GPR158: variants seen among roughly 807,000 people sequenced by gnomAD.
GPR158 encodes the protein G protein-coupled receptor 158.
GPR158 carries 30 observed loss-of-function variants against 78.2 expected under a neutral mutation model. The ratio of observed to expected loss-of-function variants is 0.38; its 90% CI spans 0.29 to 0.52. GPR158 has a LOEUF of 0.52. Ranked by LOEUF, GPR158 falls within the 20% of genes least tolerant of loss-of-function variation. The pLI is 0.83. For synonymous variants in GPR158, 581 were observed against 591.1 expected (o/e 0.98, Z 0.25); for missense variants, 1,463 against 1,523.5 (o/e 0.96, Z 0.66).
rs200014294 is a variant in GPR158, at chr10:25,362,760, A to G, written c.1009-33151A>G. ...AAATGCTCAGTGTTAGTGTATAGAA[A>G]TGTAACTGATTTCTGTGTGTTGATT... On this transcript the variant is annotated intron_variant, in intron 2 of 10. Transcript: ENST00000376351. Among the ~76,000 whole-genome samples the G allele has an allele frequency of 1.4e-4, 21 of 152,078 alleles. No homozygotes were observed. The East Asian group carries it at 4.1e-3, about 30-fold the overall frequency.
intron 7 of GPR158, among the ~76,000 whole-genome samples, chr10:25,582,113 G>C (rs1445068630): frequency 6.6e-6 from 1 of 152,178 alleles, no homozygotes; most frequent in Admixed American, 6.5e-5. Context: ...CCATGGTGGG[G>C]TGGGGGGTCT....
At chr10:25,366,135 T>C (rs923811081) in intron 2 of GPR158, among the ~76,000 whole-genome samples, 1 of 112,310 alleles carries the variant, frequency 8.9e-6, no homozygotes, top group Non-Finnish European at 1.8e-5. Flanking sequence ...AGACAAACTT[T>C]TGTTTTTGTT....
At chr10:25,219,315 A>G (rs958205631) in intron 1 of GPR158, among the ~76,000 whole-genome samples, 1 of 152,202 alleles carries the variant, frequency 6.6e-6, no homozygotes, top group African/African-American at 2.4e-5. Context: ...GCATAGTGTT[A>G]TCTTACAGTG....
Position 25,405,078 on chromosome 10 carries a change from A to G in GPR158, c.1112-7172A>G, listed in dbSNP as rs868858273. On this transcript the variant is annotated intron_variant, in intron 3 of 10. Transcript: ENST00000376351. The stretch of plus-strand genomic sequence containing the variant: ...TGAATCAAAATTGGAGAACATTGCA[A>G]TCGCTATGAAAGAACCTTAATTTAT... Among the ~76,000 whole-genome samples the G allele has an allele frequency of 3.7e-4, 56 of 152,264 alleles. 1 individual carries two copies. Among genetic ancestry groups the G allele is most frequent in the Middle Eastern group, 3.4e-3 (1 of 294 alleles).
In GPR158 at chr10:25,422,927, C is replaced by G. The variant is rs1236685299; in HGVS notation, c.1335+10454C>G. Among the ~76,000 whole-genome samples the G allele has an allele frequency of 5.4e-5, 8 of 148,948 alleles. No homozygotes were observed. The Admixed American group carries it at 5.4e-4, about 10-fold the overall frequency. ...GCCTTTGCGTCCTCATAGCTCAGCT[C>G]CCAGTTATGAGTGAGAACATACAAT... On this transcript the variant is annotated intron_variant, in intron 4 of 10. Transcript: ENST00000376351.
At chr10:25,404,779 G>A (rs955536627) in intron 3 of GPR158, among the ~76,000 whole-genome samples, 8 of 152,090 alleles carry the variant, frequency 5.3e-5, no homozygotes, top group African/African-American at 1.9e-4. Context: ...GCAGTAAGCA[G>A]AATAGAATAA....
chr10:25,240,950 A>C (rs1853596026), intron 2 of GPR158, among the ~76,000 whole-genome samples: 1 of 152,156 alleles, frequency 6.6e-6, no homozygotes, highest in Non-Finnish European at 1.5e-5. Context: ...CTAAGTGGAT[A>C]CCTTCCTTAA....
chr10:25,487,283 T>A (rs1318157606), intron 5 of GPR158, among the ~76,000 whole-genome samples: 1 of 152,188 alleles, frequency 6.6e-6, no homozygotes, highest in Non-Finnish European at 1.5e-5. Context: ...CCTCCTGTTT[T>A]ATAGCTTATA....
intron 3 of GPR158, among the ~76,000 whole-genome samples, chr10:25,396,906 G>T (rs1168644320): frequency 6.6e-6 from 1 of 152,086 alleles, no homozygotes. Context: ...GCATTTGTAG[G>T]CCTGAGGCCC....
chr10:25,506,433 C>T (rs12269256), intron 5 of GPR158, among the ~76,000 whole-genome samples: 7,495 of 152,214 alleles, frequency 0.049, 416 homozygotes, highest in African/African-American at 0.14. Flanking sequence ...AACCCAACAG[C>T]AGGATAGCTA....
intron 5 of GPR158, among the ~76,000 whole-genome samples, chr10:25,479,345 T>A (rs1330903477): frequency 6.6e-6 from 1 of 152,110 alleles, no homozygotes; most frequent in African/African-American, 2.4e-5. Context: ...CCTTTCATCC[T>A]TTCTTTGTAT....
chr10:25,469,957 T>G (rs1835475626), intron 5 of GPR158, among the ~76,000 whole-genome samples: 1 of 152,062 alleles, frequency 6.6e-6, no homozygotes, highest in African/African-American at 2.4e-5. Context: ...TTTGAAAATG[T>G]CAGCCAGTTT....
chr10:25,514,659 A>G (rs1341702457), intron 5 of GPR158, among the ~76,000 whole-genome samples: 1 of 152,052 alleles, frequency 6.6e-6, no homozygotes, highest in Non-Finnish European at 1.5e-5. Flanking sequence ...TATTTCAAGG[A>G]TTTATTTCAA....
Position 25,412,488 on chromosome 10 carries a change from C to T in GPR158, c.1335+15C>T. 6.3e-7 allele frequency: 1 copy of T among 1,575,704 alleles called. No homozygotes were observed. The highest frequency in any genetic ancestry group is 8.7e-7 in the Non-Finnish European group (1 of 1,145,426). The stretch of plus-strand genomic sequence containing the variant: ...GCAAAGCAAAGGTAAACCCAGGAAC[C>T]CTGGTTATGATCCTGTATTACAGAG... On this transcript the variant is annotated intron_variant, in intron 4 of 10. Coordinates refer to ENST00000376351, the MANE Select transcript of GPR158 (RefSeq NM_020752.3).
chr10:25,369,973 C>A (rs1833961517), intron 2 of GPR158, among the ~76,000 whole-genome samples: 2 of 147,234 alleles, frequency 1.4e-5, no homozygotes, highest in African/African-American at 4.9e-5. Flanking sequence ...TTGTAGTATT[C>A]TCTGATGGTA....
At chr10:25,379,360 A>G (rs1834124745) in intron 2 of GPR158, among the ~76,000 whole-genome samples, 1 of 152,168 alleles carries the variant, frequency 6.6e-6, no homozygotes, top group African/African-American at 2.4e-5. Context: ...AACTTGATAT[A>G]GACATATCAC....
At chr10:25,316,808 C>G (rs991987368) in intron 2 of GPR158, among the ~76,000 whole-genome samples, 3 of 151,778 alleles carry the variant, frequency 2.0e-5, no homozygotes, top group Non-Finnish European at 4.4e-5. Flanking sequence ...TCTCAGCACA[C>G]AGTTTGGGAA....
At chr10:25,404,493 G>C (rs191484400) in intron 3 of GPR158, among the ~76,000 whole-genome samples, 1 of 151,964 alleles carries the variant, frequency 6.6e-6, no homozygotes, top group African/African-American at 2.4e-5. Context: ...CCATAGAATC[G>C]TTTTGAGTTA....
At chr10:25,313,716 T>C (rs915690780) in intron 2 of GPR158, among the ~76,000 whole-genome samples, 15 of 152,336 alleles carry the variant, frequency 9.8e-5, no homozygotes, top group Non-Finnish European at 2.2e-4. Flanking sequence ...TATCTTTATA[T>C]AGAATTAGAT....
Sources: gnomAD v4.1 joint callset for allele counts (sites outside exome capture counted in the v4.1 genomes callset) on GRCh38, gnomAD v4.1.1 for gene constraint, MANE v1.5 for transcripts, NCBI Gene and HGNC (gene_info 2026-07-23, HGNC 2026-07-21) for gene names.